ZC3H7B: variants seen among roughly 807,000 people sequenced by gnomAD.
The protein encoded by ZC3H7B is zinc finger CCCH domain-containing protein 7B.
In ZC3H7B, 35 loss-of-function variants were observed where a neutral mutation model predicts 116.0. That is an observed-to-expected ratio of 0.30 (90% CI 0.23 to 0.40). ZC3H7B has a LOEUF of 0.40. ZC3H7B is among the 10% of genes least tolerant of loss of function. ZC3H7B has a pLI of 1.00. For missense variants in ZC3H7B, 1,011 were observed against 1,321.5 expected, an observed-to-expected ratio of 0.77 and a Z score of 3.64; for synonymous variants, 502 against 545.6, an observed-to-expected ratio of 0.92 and a Z score of 1.11.
chr22:41,337,293 A>T (rs1460038877), intron 7 of ZC3H7B, among the ~76,000 whole-genome samples: 1 of 151,590 alleles, frequency 6.6e-6, no homozygotes, highest in South Asian at 2.1e-4. Context: ...ATGCCACTGC[A>T]CTCCAGCTTA....
At position 41,322,487 on chromosome 22, in the gene ZC3H7B, G is replaced by A. The variant is rs775375170; in HGVS notation, c.53+1774G>A. On this transcript the variant is annotated intron_variant, in intron 2 of 22. Transcript: ENST00000352645. ...AGGTGTGAGCCACCGCATCCAGCCC[G>A]ACATTTGTTTTTGTTTTATTTCTCT... 7.4e-4 allele frequency among the ~76,000 whole-genome samples: 113 copies of A among 152,084 alleles called. 1 individual carries two copies. The highest frequency in any genetic ancestry group is 2.2e-4 in the Non-Finnish European group (15 of 68,004).
intron 7 of ZC3H7B, chr22:41,335,921 A>G (rs763131090): frequency 6.3e-4 from 96 of 153,128 alleles, no homozygotes; most frequent in Admixed American, 1.5e-3. Context: ...TGGGTGTGAG[A>G]TGCTGGCCTG....
intron 1 of ZC3H7B, among the ~76,000 whole-genome samples, chr22:41,315,852 A>G (rs1402103515): frequency 6.6e-6 from 1 of 152,186 alleles, no homozygotes; most frequent in Non-Finnish European, 1.5e-5. Context: ...ATCTTCAGAT[A>G]TAGTCACATT....
At chr22:41,318,729 CA>C (rs1378124341) in intron 1 of ZC3H7B, among the ~76,000 whole-genome samples, 19 of 152,050 alleles carry the variant, frequency 1.2e-4, no homozygotes, top group African/African-American at 4.3e-4. Flanking sequence ...GAAACCGTCT[CA>C]GAAAAGAAAA....
chr22:41,308,664 C>T (rs535681986), intron 1 of ZC3H7B, among the ~76,000 whole-genome samples: 1 of 152,302 alleles, frequency 6.6e-6, no homozygotes. Context: ...AATAAATAAG[C>T]TCCTGTCACT....
In ZC3H7B at chr22:41,338,236, C is replaced by T. The variant is rs931769794; in HGVS notation, c.583-77C>T. On this transcript the variant is annotated intron_variant, in intron 7 of 22. Coordinates refer to ENST00000352645, the MANE Select transcript of ZC3H7B (RefSeq NM_017590.6). This position sits in a 1 kb window ranked among gnomAD's most constrained non-coding sequence, Gnocchi z 4.5. ...CGGTGCTGGGTCAACAGCATAGTCA[C>T]GTGGGGAGGGGCTGGTGCTGGGTGC... The T allele has an allele frequency of 2.5e-5, 38 of 1,493,530 alleles. No individual in the cohort carries two copies. Among genetic ancestry groups the T allele is most frequent in the South Asian group, 2.1e-4 (18 of 84,460 alleles). 92.5% of individuals were successfully genotyped at this position (1,493,530 alleles called of 1,614,324 possible).
intron 13 of ZC3H7B, among the ~76,000 whole-genome samples, chr22:41,344,880 A>T (rs2036565060): frequency 6.6e-6 from 1 of 152,164 alleles, no homozygotes; most frequent in Admixed American, 6.6e-5. Flanking sequence ...GTTATAGCTC[A>T]CTGCAGCTTC....
At chr22:41,341,037 C>T in intron 10 of ZC3H7B, 51 bp from the exon 11 acceptor site, 1 of 1,587,438 alleles carries the variant, frequency 6.3e-7, no homozygotes, top group Non-Finnish European at 8.6e-7. Flanking sequence ...AGGAAGGCCC[C>T]TCACGCCTCA....
Position 41,357,915 on chromosome 22 carries a change from G to A in ZC3H7B, c.*486G>A, listed in dbSNP as rs754573224. On this transcript the variant is annotated 3_prime_UTR_variant, in exon 23 of 23. Transcript: ENST00000352645. The surrounding 1 kb of genome is among the most constrained non-coding windows in gnomAD (Gnocchi z 5.4). Reference sequence around the variant, plus strand: ...CATTAGCTTTAAAATGTAGCCCCAGGTTGGAGCTGGGAACACTGTACTGGC... The same window carrying A: ...CATTAGCTTTAAAATGTAGCCCCAGATTGGAGCTGGGAACACTGTACTGGC... 7.5e-4 allele frequency: 133 copies of A among 176,826 alleles called. No homozygotes were observed. The highest frequency in any genetic ancestry group is 7.4e-4 in the Non-Finnish European group (60 of 81,382). The allele number at this position is 176,826 out of a possible 1,614,324, so 11.0% of individuals were successfully genotyped here. A position where few individuals can be genotyped will look rare whatever the true frequency, so the allele number is the denominator to read the frequency against.
intron 1 of ZC3H7B, among the ~76,000 whole-genome samples, chr22:41,304,574 A>G (rs1021828104): frequency 6.6e-6 from 1 of 152,202 alleles, no homozygotes; most frequent in Non-Finnish European, 1.5e-5. Context: ...TTCTGGGGTC[A>G]GTGCAGTGGG....
In ZC3H7B at chr22:41,302,930, C is replaced by T. The variant is rs2035991294; in HGVS notation, c.-7+1158C>T. On this transcript the variant is annotated intron_variant, in intron 1 of 22. Transcript: ENST00000352645. The surrounding 1 kb of genome is among the most constrained non-coding windows in gnomAD (Gnocchi z 5.7). ...CTAGCTTTGGCATCAGACTTTGAACCCCAACTTCTTGCCATATTCCTCAGC... is the reference window on the plus strand; with the variant it reads ...CTAGCTTTGGCATCAGACTTTGAACTCCAACTTCTTGCCATATTCCTCAGC... Among the ~76,000 whole-genome samples the T allele has an allele frequency of 1.3e-5, 2 of 152,130 alleles. No homozygotes were observed. Among genetic ancestry groups the T allele is most frequent in the South Asian group, 2.1e-4 (1 of 4,822 alleles).
At position 41,346,958 on chromosome 22, in the gene ZC3H7B, C is replaced by T. The variant is rs1188713717; in HGVS notation, c.1665+750C>T. 2.8e-5 allele frequency among the ~76,000 whole-genome samples: 4 copies of T among 141,056 alleles called. No homozygotes were observed. Among genetic ancestry groups the T allele is most frequent in the Non-Finnish European group, 4.6e-5 (3 of 65,458 alleles). The allele number at this position is 141,056 out of a possible 152,430, so 92.5% of individuals were successfully genotyped here. A position where few individuals can be genotyped will look rare whatever the true frequency, so the allele number is the denominator to read the frequency against. On this transcript the variant is annotated intron_variant, in intron 14 of 22. Transcript: ENST00000352645. This position sits in a 1 kb window ranked among gnomAD's most constrained non-coding sequence, Gnocchi z 5.3. ...CTCCAGCCTGGGTGACAGAGTGAGA[C>T]CCTATTCCAAAAAAAAAAAAAAAAA...
In ZC3H7B at chr22:41,349,317, TGCAGGTGGAGG is replaced by T. The variant is rs750898083; in HGVS notation, c.1948+24_1948+34del. 11 of 1,611,458 alleles carry T rather than the reference TGCAGGTGGAGG, an allele frequency of 6.8e-6. No homozygotes were observed. In the African/African-American group the frequency reaches 1.5e-4, roughly 22 times the overall value. On this transcript the variant is annotated intron_variant, in intron 16 of 22. Coordinates refer to ENST00000352645, the MANE Select transcript of ZC3H7B (RefSeq NM_017590.6). The surrounding 1 kb of genome is among the most constrained non-coding windows in gnomAD (Gnocchi z 4.9). ...CAGTACTCAGGTGAGGGGCAGGCGGTGCAGGTGGAGGGCAGGTGACTCAGGTGAGGGGTAGG... is the reference window on the plus strand; with the variant it reads ...CAGTACTCAGGTGAGGGGCAGGCGGTGCAGGTGACTCAGGTGAGGGGTAGG...
At chr22:41,321,526 T>G (rs1006411350) in intron 2 of ZC3H7B, among the ~76,000 whole-genome samples, 161 of 151,924 alleles carry the variant, frequency 1.1e-3, no homozygotes, top group Non-Finnish European at 2.1e-3. Context: ...TTTAAAAAAT[T>G]TTTTTGTAGA....
chr22:41,326,418 CAGCCTCCTCACTGTTTCTTCCAT>C (rs1199720385), intron 4 of ZC3H7B, among the ~76,000 whole-genome samples: 3,220 of 148,492 alleles, frequency 0.022, 244 homozygotes, highest in African/African-American at 0.078. Context: ...CCCATAGCCT[CAGCCTCCTCACTGTTTCTTCCAT>C]AGCCTCCTCA....
At chr22:41,308,794 C>T (rs1004917947) in intron 1 of ZC3H7B, among the ~76,000 whole-genome samples, 4 of 152,192 alleles carry the variant, frequency 2.6e-5, no homozygotes, top group Non-Finnish European at 2.9e-5. Flanking sequence ...TTGCCTCCCA[C>T]GTGGCTTGCC....
chr22:41,343,351 C>T (rs1202703713), intron 12 of ZC3H7B, 64 bp from the exon 13 acceptor site: 4 of 1,557,146 alleles, frequency 2.6e-6, no homozygotes, highest in Non-Finnish European at 3.5e-6. Context: ...ACCGCATGGG[C>T]CTGCCAGCCA....
At chr22:41,355,264 G>A (rs1217522908) in intron 17 of ZC3H7B, among the ~76,000 whole-genome samples, 8 of 152,234 alleles carry the variant, frequency 5.3e-5, no homozygotes, top group African/African-American at 1.9e-4. Flanking sequence ...ACCAGCCACA[G>A]AGGGTGGAAA....
At position 41,338,164 on chromosome 22, in the gene ZC3H7B, G is replaced by A; in HGVS notation, c.583-149G>A. 1.3e-6 allele frequency: 1 copy of A among 779,788 alleles called. No homozygotes were observed. The highest frequency in any genetic ancestry group is 2.0e-6 in the Non-Finnish European group (1 of 493,166). The allele number at this position is 779,788 out of a possible 1,614,324, so 48.3% of individuals were successfully genotyped here. On this transcript the variant is annotated intron_variant, in intron 7 of 22. Coordinates refer to ENST00000352645, the MANE Select transcript of ZC3H7B (RefSeq NM_017590.6). The surrounding 1 kb of genome is among the most constrained non-coding windows in gnomAD (Gnocchi z 4.5). The stretch of plus-strand genomic sequence containing the variant: ...ATTATAGGCATAAGCCACCACGCCT[G>A]GCCGCATGTGAGGGCTTTAATCTCC...
Sources: allele counts gnomAD v4.1 joint callset (sites outside exome capture counted in the v4.1 genomes callset), GRCh38; gene constraint gnomAD v4.1.1; non-coding constraint Gnocchi (gnomAD v3.1); transcripts MANE v1.5; gene names NCBI Gene and HGNC (gene_info 2026-07-23, HGNC 2026-07-21).